The following PGM1 variants were observed in gnomAD, a reference collection of about 807,000 sequenced individuals.
PGM1 encodes the protein phosphoglucomutase-1.
Under a neutral mutation model 55.6 loss-of-function variants are expected in PGM1, and 52 were observed. That is an observed-to-expected ratio of 0.94 (90% CI 0.75 to 1.18). The LOEUF (loss-of-function observed/expected upper bound fraction) is 1.18, where lower values mean the gene tolerates loss of function less well. PGM1 is among the 50% of genes most tolerant of loss of function. The pLI, the probability that PGM1 is intolerant of heterozygous loss-of-function variation, is 0.00. For missense variants in PGM1, 724 were observed against 729.3 expected, an observed-to-expected ratio of 0.99 and a Z score of 0.08; for synonymous variants, 287 against 271.7, an observed-to-expected ratio of 1.06 and a Z score of -0.55.
Position 63,629,421 on chromosome 1 carries a change from C to T in PGM1, c.247-4C>T, listed in dbSNP as rs776882780. The T allele has an allele frequency of 2.5e-6, 4 of 1,612,710 alleles. No homozygotes were observed. The highest frequency in any genetic ancestry group is 3.4e-6 in the Non-Finnish European group (4 of 1,178,918). On this transcript the variant is annotated splice_polypyrimidine_tract_variant and splice_region_variant and intron_variant, in intron 1 of 10. Transcript: ENST00000371084. ...AAGAGTGTGTTCTGGATTTCTTCTC[C>T]TAGATCGGTCGCTTGGTTATCGGAC...
At chr1:63,596,503 C>T (rs1320003124) in intron 1 of PGM1, among the ~76,000 whole-genome samples, 2 of 152,082 alleles carry the variant, frequency 1.3e-5, no homozygotes, top group African/African-American at 4.8e-5. Flanking sequence ...GTGATCCACC[C>T]TCCTCGGCCT....
intron 1 of PGM1, chr1:63,623,291 C>T: frequency 6.9e-7 from 1 of 1,444,662 alleles, no homozygotes; most frequent in Non-Finnish European, 9.0e-7. Context: ...CAAGGGACAA[C>T]AACAACAAGG....
chr1:63,598,809 C>G (rs879827123), intron 1 of PGM1, among the ~76,000 whole-genome samples: 9 of 152,148 alleles, frequency 5.9e-5, no homozygotes, highest in Non-Finnish European at 1.3e-4. Context: ...TCAGGTGATG[C>G]CTGCACCAAA....
At position 63,654,363 on chromosome 1, in the gene PGM1, G is replaced by T; in HGVS notation, c.1496G>T (p.Arg499Leu). The T allele has an allele frequency of 2.5e-6, 4 of 1,613,950 alleles. No homozygotes were observed. The highest frequency in any genetic ancestry group is 1.1e-5 in the South Asian group (1 of 91,050). ...GLRLIFTDGS[R>L]IVFRLSGTGS... ...CGCCTCATTTTCACAGATGGTTCTC[G>T]AATCGTCTTCCGACTGAGCGGCACT... The change falls in exon 10 of 11, where the codon CGA (arginine) becomes CTA (leucine). Residue 499 changes from arginine (R) to leucine (L), a missense_variant. This residue lies in a region of PGM1 where 316 missense variants were observed against 313.1 expected (regional missense o/e 1.01). Transcript: ENST00000371084.
chr1:63,610,159 T>G (rs1252905191), intron 1 of PGM1, among the ~76,000 whole-genome samples: 4 of 152,202 alleles, frequency 2.6e-5, no homozygotes, highest in Non-Finnish European at 5.9e-5. Flanking sequence ...ATCAGAGAAT[T>G]TTATGAGGAT....
chr1:63,606,632 GCCTA>G (rs1192523177), intron 1 of PGM1, among the ~76,000 whole-genome samples: 1 of 152,172 alleles, frequency 6.6e-6, no homozygotes, highest in Admixed American at 6.5e-5. Flanking sequence ...ACTTAGCTAA[GCCTA>G]CCTCTAGCAG....
At chr1:63,625,967 A>C (rs568596105) in intron 1 of PGM1, among the ~76,000 whole-genome samples, 67 of 152,334 alleles carry the variant, frequency 4.4e-4, no homozygotes, top group African/African-American at 1.6e-3. Context: ...CTTGTTTTTT[A>C]AATAACCTAA....
At chr1:63,651,563 A>G (rs1649807000) in intron 8 of PGM1, 106 bp from the exon 9 acceptor site, 2 of 1,029,276 alleles carry the variant, frequency 1.9e-6, no homozygotes, top group East Asian at 2.6e-5. Context: ...CTGAAGTTAG[A>G]TAGTTTTGCG....
At chr1:63,636,444 TACCCTTC>T in intron 6 of PGM1, 56 bp downstream of exon 6, 1 of 1,508,580 alleles carries the variant, frequency 6.6e-7, no homozygotes, top group Non-Finnish European at 9.2e-7. Flanking sequence ...GTCTTCACCA[TACCCTTC>T]ACTGTGCCTG....
chr1:63,634,259 A>G (rs993172829), intron 4 of PGM1, among the ~76,000 whole-genome samples: 3 of 152,182 alleles, frequency 2.0e-5, no homozygotes, highest in African/African-American at 7.2e-5. Flanking sequence ...ATAAACATTT[A>G]TAACATATCT....
intron 1 of PGM1, chr1:63,623,320 A>G (rs1648932486): frequency 6.7e-7 from 1 of 1,487,332 alleles, no homozygotes; most frequent in Non-Finnish European, 8.9e-7. Flanking sequence ...AAGCTTTCTC[A>G]TTGAGAGTGA....
intron 1 of PGM1, among the ~76,000 whole-genome samples, chr1:63,614,530 C>G (rs988835940): frequency 6.6e-6 from 1 of 152,196 alleles, no homozygotes; most frequent in Non-Finnish European, 1.5e-5. Context: ...TGAGTCTTTG[C>G]TGTTCACCTG....
chr1:63,654,509 G>A (rs1304984798), intron 10 of PGM1, 43 bp downstream of exon 10: 2 of 1,605,482 alleles, frequency 1.2e-6, no homozygotes, highest in Admixed American at 1.7e-5. Context: ...TTCTGTTCAA[G>A]GGAATGATAG....
chr1:63,622,474 T>G (rs972890933), intron 1 of PGM1, among the ~76,000 whole-genome samples: 2 of 152,208 alleles, frequency 1.3e-5, no homozygotes, highest in African/African-American at 4.8e-5. Context: ...TAAAAACATT[T>G]TATTAAAAGT....
At chr1:63,611,573 G>A (rs925283323) in intron 1 of PGM1, among the ~76,000 whole-genome samples, 1 of 152,104 alleles carries the variant, frequency 6.6e-6, no homozygotes, top group Non-Finnish European at 1.5e-5. Flanking sequence ...TGGCCCTGAG[G>A]GAAGGGAGGA....
chr1:63,616,473 G>A (rs1648715457), intron 1 of PGM1, among the ~76,000 whole-genome samples: 2 of 152,126 alleles, frequency 1.3e-5, no homozygotes, highest in South Asian at 4.1e-4. Flanking sequence ...CTCTCTTGTA[G>A]GCTCCCAGAT....
intron 1 of PGM1, among the ~76,000 whole-genome samples, chr1:63,626,250 G>T (rs188729981): frequency 6.6e-6 from 1 of 152,258 alleles, no homozygotes; most frequent in East Asian, 1.9e-4. Context: ...CATTTTCAGT[G>T]TATGGTTCCC....
At chr1:63,659,534 C>T (rs1230452844) in intron 10 of PGM1, 52 bp from the exon 11 acceptor site, 1 of 1,425,106 alleles carries the variant, frequency 7.0e-7, no homozygotes, top group Non-Finnish European at 9.9e-7. Flanking sequence ...TGGAGCTAAG[C>T]ATCTGTGTTT....
intron 1 of PGM1, among the ~76,000 whole-genome samples, chr1:63,621,208 C>T (rs952053409): frequency 2.0e-5 from 3 of 151,806 alleles, no homozygotes; most frequent in East Asian, 1.9e-4. Context: ...TGGCATGTGT[C>T]GTTGCTTAAA....
Sources: gnomAD v4.1 joint callset for allele counts (sites outside exome capture counted in the v4.1 genomes callset) on GRCh38, gnomAD v4.1.1 for gene constraint, gnomAD v4.1.1 regional missense constraint, MANE v1.5 for transcripts, NCBI Gene and HGNC (gene_info 2026-07-23, HGNC 2026-07-21) for gene names.